Variants in USH1G observed in about 807,000 individuals in gnomAD.
USH1G encodes the protein USH1 protein network component sans.
In USH1G, 27 loss-of-function variants were observed where a neutral mutation model predicts 31.9. That is an observed-to-expected ratio of 0.85 (90% CI 0.62 to 1.17). The LOEUF (loss-of-function observed/expected upper bound fraction) is 1.17. Ranked by LOEUF, USH1G falls within the 50% of genes most tolerant of loss-of-function variation. The pLI, the probability that USH1G is intolerant of heterozygous loss-of-function variation, is 0.00. For missense variants in USH1G, 674 were observed against 638.9 expected (o/e 1.05, Z -0.59); for synonymous variants, 266 against 283.2 (o/e 0.94, Z 0.61).
In USH1G at chr17:74,917,130, A is replaced by G. The variant is rs938072206; in HGVS notation, c.*943T>C. Reference sequence around the variant, plus strand: ...GTGACCTGGGGACAATCTGCAGTTTAGAGGATCCACTTTCTCCAGTGTCCA... The same window carrying G: ...GTGACCTGGGGACAATCTGCAGTTTGGAGGATCCACTTTCTCCAGTGTCCA... On this transcript the variant is annotated 3_prime_UTR_variant, in exon 3 of 3. Coordinates refer to ENST00000614341, the MANE Select transcript of USH1G (RefSeq NM_173477.5). 1.3e-5 allele frequency: 2 copies of G among 152,438 alleles called. No homozygotes were observed. Among genetic ancestry groups the G allele is most frequent in the African/African-American group, 4.8e-5 (2 of 41,464 alleles). 9.4% of individuals were successfully genotyped at this position (152,438 alleles called of 1,614,324 possible).
rs778772947 is a variant in USH1G, at chr17:74,920,124, G to A, written c.712C>T (p.Arg238Cys). 6.2e-7 allele frequency: 1 copy of A among 1,602,812 alleles called. No individual in the cohort carries two copies. Among genetic ancestry groups the A allele is most frequent in the South Asian group, 1.1e-5 (1 of 91,058 alleles). ...CCCGAGAGCGAGCGGGCGCTCTTGC[G>A]CCCATCCTCGGAGACCTTGAAGGTG... is the stretch of plus-strand genomic sequence containing the variant. ...EGTFKVSEDGRKSARSLSGLQ... is the reference protein window; with the variant it reads ...EGTFKVSEDGCKSARSLSGLQ... Residue 238 changes from arginine (R) to cysteine (C), a missense_variant, in exon 2 of 3, where the codon CGC (arginine) becomes TGC (cysteine). Arg to Cys is a radical substitution (Grantham distance 180). Transcript: ENST00000614341. The surrounding 1 kb of genome is among the most constrained non-coding windows in gnomAD (Gnocchi z 5.2).
In USH1G at chr17:74,920,116, G is replaced by A. The variant is rs775371036; in HGVS notation, c.720C>T (p.Ser240=). ...GCTGCAGGCCCGAGAGCGAGCGGGC[G>A]CTCTTGCGCCCATCCTCGGAGACCT... ...TFKVSEDGRK[S]ARSLSGLQLG... is the part of the protein sequence containing the mutation. Residue 240 remains serine, a synonymous_variant, in exon 2 of 3, where the codon AGC becomes AGT. Transcript: ENST00000614341. The surrounding 1 kb of genome is among the most constrained non-coding windows in gnomAD (Gnocchi z 5.2). 2.2e-5 allele frequency: 35 copies of A among 1,602,838 alleles called. No homozygotes were observed. The highest frequency in any genetic ancestry group is 3.3e-5 in the South Asian group (3 of 91,040).
rs753272581 is a variant in USH1G at position 74,920,112 on chromosome 17, G to C, written c.724C>G (p.Arg242Gly). The C allele has an allele frequency of 1.2e-6, 2 of 1,602,980 alleles. No homozygotes were observed. Among genetic ancestry groups the C allele is most frequent in the Admixed American group, 3.3e-5 (2 of 59,986 alleles). The change falls in exon 2 of 3, where the codon CGC becomes GGC. Residue 242 changes from arginine (R) to glycine (G), a missense_variant. Coordinates refer to ENST00000614341, the MANE Select transcript of USH1G (RefSeq NM_173477.5). This position sits in a 1 kb window ranked among gnomAD's most constrained non-coding sequence, Gnocchi z 5.2. ...KVSEDGRKSA[R>G]SLSGLQLGSD... ...CCCAGCTGCAGGCCCGAGAGCGAGCGGGCGCTCTTGCGCCCATCCTCGGAG... is the reference window on the plus strand; with the variant it reads ...CCCAGCTGCAGGCCCGAGAGCGAGCCGGCGCTCTTGCGCCCATCCTCGGAG...
At chr17:74,922,210 CCTGGCA>C (rs1250876152) in intron 1 of USH1G, among the ~76,000 whole-genome samples, 2 of 152,096 alleles carry the variant, frequency 1.3e-5, no homozygotes, top group Non-Finnish European at 1.5e-5. Context: ...AGGCCCCTTC[CCTGGCA>C]CTGACACCTG....
chr17:74,922,903 T>G lies in USH1G; in HGVS notation c.164+7A>C. 1 of 1,543,462 alleles carries G rather than the reference T, an allele frequency of 6.5e-7. No homozygotes were observed. The highest frequency in any genetic ancestry group is 8.8e-7 in the Non-Finnish European group (1 of 1,141,098). Reference sequence around the variant, plus strand: ...GGCCTCAAGGGCACTGGGTGGGGCGTACTCACCCGCGGCTCACAATGAGAC... The same window carrying G: ...GGCCTCAAGGGCACTGGGTGGGGCGGACTCACCCGCGGCTCACAATGAGAC... On this transcript the variant is annotated splice_region_variant and intron_variant, in intron 1 of 2. Transcript: ENST00000614341.
Position 74,918,079 on chromosome 17 carries a change from G to A in USH1G, c.1383-3C>T, listed in dbSNP as rs1223026125. ...TGGGGAGAGGAGCCCCCGGTTATCTGTGGAGGAAGAGACAGAAAGAAACAG... is the reference window on the plus strand; with the variant it reads ...TGGGGAGAGGAGCCCCCGGTTATCTATGGAGGAAGAGACAGAAAGAAACAG... On this transcript the variant is annotated splice_region_variant and splice_polypyrimidine_tract_variant and intron_variant, in intron 2 of 2. Transcript: ENST00000614341. The surrounding 1 kb of genome is among the most constrained non-coding windows in gnomAD (Gnocchi z 4.1). 6.2e-7 allele frequency: 1 copy of A among 1,614,116 alleles called. No homozygotes were observed. Among genetic ancestry groups the A allele is most frequent in the Non-Finnish European group, 8.5e-7 (1 of 1,180,010 alleles).
chr17:74,920,682 A>G lies in USH1G; in HGVS notation c.165-11T>C. ...TTGTCCGGGTCACCCCTGCAGGGAA[A>G]GCATTCAGGAGGGACGAGTGACGAG... On this transcript the variant is annotated splice_polypyrimidine_tract_variant and intron_variant, in intron 1 of 2. Transcript: ENST00000614341. The surrounding 1 kb of genome is among the most constrained non-coding windows in gnomAD (Gnocchi z 5.2). 6.2e-7 allele frequency: 1 copy of G among 1,613,260 alleles called. No homozygotes were observed. Among genetic ancestry groups the G allele is most frequent in the South Asian group, 1.1e-5 (1 of 91,078 alleles).
Position 74,916,589 on chromosome 17 carries a change from G to A in USH1G, c.*1484C>T, listed in dbSNP as rs540112420. Reference sequence around the variant, plus strand: ...TGGGGGGCCATGGCTGAGAAAGGAGGAGAGCACCTCTGCATGGGGTGCAAA... The same window carrying A: ...TGGGGGGCCATGGCTGAGAAAGGAGAAGAGCACCTCTGCATGGGGTGCAAA... On this transcript the variant is annotated 3_prime_UTR_variant, in exon 3 of 3. Transcript: ENST00000614341. 1 of 152,370 alleles carries A rather than the reference G, an allele frequency of 6.6e-6. No individual in the cohort carries two copies. 9.4% of individuals were successfully genotyped at this position (152,370 alleles called of 1,614,324 possible).
chr17:74,919,768 G>A lies in USH1G; in HGVS notation c.1068C>T (p.Ser356=), dbSNP rs2038912010. ...CCTGCAGGCTGTTGGCACTGCCCAG[G>A]CTGTCATCGTCCAGGCTGGGGGAGC... The part of the protein sequence containing the change: ...LQSSPSLDDD[S]LGSANSLQDR... Residue 356 remains serine (S), a synonymous_variant, in exon 2 of 3, where the codon AGC becomes AGT. Transcript: ENST00000614341. This position sits in a 1 kb window ranked among gnomAD's most constrained non-coding sequence, Gnocchi z 4.5. 1 of 1,612,772 alleles carries A rather than the reference G, an allele frequency of 6.2e-7. No individual in the cohort carries two copies. The highest frequency in any genetic ancestry group is 1.1e-5 in the South Asian group (1 of 91,088).
At position 74,920,091 on chromosome 17, in the gene USH1G, G is replaced by T; in HGVS notation, c.745C>A (p.Leu249Met). 1 of 1,604,962 alleles carries T rather than the reference G, an allele frequency of 6.2e-7. No individual in the cohort carries two copies. ...KSARSLSGLQ[L>M]GSDVMFVRQG... ...CGCACGAACATCACGTCGCTGCCCA[G>T]CTGCAGGCCCGAGAGCGAGCGGGCG... Residue 249 changes from leucine (L) to methionine (M), a missense_variant, in exon 2 of 3, where the codon CTG (leucine) becomes ATG (methionine). Physicochemically the swap from Leu to Met is conservative, Grantham distance 15. Coordinates refer to ENST00000614341, the MANE Select transcript of USH1G (RefSeq NM_173477.5). This position sits in a 1 kb window ranked among gnomAD's most constrained non-coding sequence, Gnocchi z 5.2.
Position 74,920,442 on chromosome 17 carries a change from C to T in USH1G, c.394G>A (p.Val132Met). ...AKQSSLNPKL[V>M]GKLKDKAFRE... ...AAGGCCTTGTCCTTCAGCTTACCCACCAGCTTGGGGTTGAGGCTGCTCTGC... is the reference window on the plus strand; with the variant it reads ...AAGGCCTTGTCCTTCAGCTTACCCATCAGCTTGGGGTTGAGGCTGCTCTGC... The change falls in exon 2 of 3, where the codon GTG becomes ATG. Residue 132 changes from valine (V) to methionine (M), a missense_variant. Transcript: ENST00000614341. The surrounding 1 kb of genome is among the most constrained non-coding windows in gnomAD (Gnocchi z 5.2). 6.2e-7 allele frequency: 1 copy of T among 1,613,724 alleles called. No homozygotes were observed. The highest frequency in any genetic ancestry group is 8.5e-7 in the Non-Finnish European group (1 of 1,180,042).
chr17:74,920,566 G>A lies in USH1G; in HGVS notation c.270C>T (p.Asn90=), dbSNP rs1279140282. The A allele has an allele frequency of 1.9e-6, 3 of 1,613,812 alleles. No homozygotes were observed. The highest frequency in any genetic ancestry group is 2.5e-6 in the Non-Finnish European group (3 of 1,180,036). The part of the protein sequence containing the change: ...CLSFLVSFGA[N]IWCLDNDYHT... Reference sequence around the variant, plus strand: ...GGTAGTCGTTGTCTAGGCACCAGATGTTGGCTCCGAAGGACACCAGGAAGG... The same window carrying A: ...GGTAGTCGTTGTCTAGGCACCAGATATTGGCTCCGAAGGACACCAGGAAGG... Residue 90 remains asparagine (N), a synonymous_variant, in exon 2 of 3, where the codon AAC becomes AAT. Transcript: ENST00000614341. The surrounding 1 kb of genome is among the most constrained non-coding windows in gnomAD (Gnocchi z 5.2).
rs368110384 is a variant in USH1G, at chr17:74,919,557, G to A, written c.1279C>T (p.Arg427Cys). The change falls in exon 2 of 3, where the codon CGC (arginine) becomes TGC (cysteine). Residue 427 changes from arginine to cysteine, a missense_variant. Coordinates refer to ENST00000614341, the MANE Select transcript of USH1G (RefSeq NM_173477.5). This position sits in a 1 kb window ranked among gnomAD's most constrained non-coding sequence, Gnocchi z 4.5. Reference protein sequence around the residue: ...ALMLCSDLDLRSISVPLGPRK... With the variant: ...ALMLCSDLDLCSISVPLGPRK... ...GGCCCCAGTGGGACGCTGATGCTGC[G>A]GAGGTCGAGGTCAGAGCACAGCATC... is the stretch of plus-strand genomic sequence containing the variant. The A allele has an allele frequency of 3.7e-6, 6 of 1,612,544 alleles. No individual in the cohort carries two copies. Among genetic ancestry groups the A allele is most frequent in the Non-Finnish European group, 4.2e-6 (5 of 1,180,034 alleles).
In USH1G at chr17:74,920,150, C is replaced by A; in HGVS notation, c.686G>T (p.Gly229Val). 5 of 1,602,088 alleles carry A rather than the reference C, an allele frequency of 3.1e-6. No individual in the cohort carries two copies. Among genetic ancestry groups the A allele is most frequent in the Non-Finnish European group, 4.2e-6 (5 of 1,179,814 alleles). The part of the protein sequence containing the change: ...KLERRKQGGE[G>V]TFKVSEDGRK... Reference sequence around the variant, plus strand: ...CCCATCCTCGGAGACCTTGAAGGTGCCTTCGCCGCCCTGCTTGCGCCGCTC... The same window carrying A: ...CCCATCCTCGGAGACCTTGAAGGTGACTTCGCCGCCCTGCTTGCGCCGCTC... The change falls in exon 2 of 3, where the codon GGC becomes GTC. Residue 229 changes from glycine to valine, a missense_variant. Transcript: ENST00000614341. The surrounding 1 kb of genome is among the most constrained non-coding windows in gnomAD (Gnocchi z 5.2).
rs1246019468 is a variant in USH1G at position 74,923,221 on chromosome 17, T to G, written c.-148A>C. Reference sequence around the variant, plus strand: ...AGCCCCCGCTGCCGCAGACGGAGGGTGCGGAGCGCCAGAGCCGCGACTACC... The same window carrying G: ...AGCCCCCGCTGCCGCAGACGGAGGGGGCGGAGCGCCAGAGCCGCGACTACC... On this transcript the variant is annotated 5_prime_UTR_variant, in exon 1 of 3. Coordinates refer to ENST00000614341, the MANE Select transcript of USH1G (RefSeq NM_173477.5). This position sits in a 1 kb window ranked among gnomAD's most constrained non-coding sequence, Gnocchi z 5.3. The G allele has an allele frequency of 5.3e-6, 2 of 380,348 alleles. No homozygotes were observed. Among genetic ancestry groups the G allele is most frequent in the Non-Finnish European group, 3.6e-6 (1 of 278,856 alleles). 23.6% of individuals were successfully genotyped at this position (380,348 alleles called of 1,614,324 possible).
chr17:74,922,874 C>CA, intron 1 of USH1G, 36 bp downstream of exon 1: 1 of 1,533,406 alleles, frequency 6.5e-7, no homozygotes, highest in Non-Finnish European at 8.8e-7. Context: ...GGGGTGGTCT[C>CA]AGGGGCCTCA....
rs1053388986 is a variant in USH1G, at chr17:74,920,689, A to G, written c.165-18T>C. The stretch of plus-strand genomic sequence containing the variant: ...GGTCACCCCTGCAGGGAAAGCATTC[A>G]GGAGGGACGAGTGACGAGTCCTGGC... On this transcript the variant is annotated intron_variant, in intron 1 of 2. Coordinates refer to ENST00000614341, the MANE Select transcript of USH1G (RefSeq NM_173477.5). This position sits in a 1 kb window ranked among gnomAD's most constrained non-coding sequence, Gnocchi z 5.2. 1.4e-5 allele frequency: 22 copies of G among 1,587,216 alleles called. No individual in the cohort carries two copies. Among genetic ancestry groups the G allele is most frequent in the Non-Finnish European group, 1.9e-5 (22 of 1,163,166 alleles).
At position 74,922,929 on chromosome 17, in the gene USH1G, G is replaced by T. The variant is rs769657993; in HGVS notation, c.145C>A (p.Arg49Ser). ...ACTCACCCGCGGCTCACAATGAGAC[G>T]CAGCGACTCGAGGTTGCCATGGTAG... ...AAYHGNLESL[R>S]LIVSRGGDPD... Residue 49 changes from arginine (R) to serine (S), a missense_variant, in exon 1 of 3, where the codon CGT becomes AGT. Transcript: ENST00000614341. 4.5e-6 allele frequency: 7 copies of T among 1,547,276 alleles called. No individual in the cohort carries two copies. The African/African-American group carries it at 5.5e-5, about 12-fold the overall frequency.
In USH1G at chr17:74,919,812, G is replaced by A. The variant is rs773103971; in HGVS notation, c.1024C>T (p.Pro342Ser). The change falls in exon 2 of 3, where the codon CCG (proline) becomes TCG (serine). Residue 342 changes from proline to serine, a missense_variant. Pro to Ser is a moderately conservative substitution (Grantham distance 74). Transcript: ENST00000614341. The surrounding 1 kb of genome is among the most constrained non-coding windows in gnomAD (Gnocchi z 4.5). ...EDGGLDGVGA[P>S]RGRLQSSPSL... ...GGGGAGCTCTGCAGCCGACCCCGCG[G>A]CGCTCCCACCCCATCCAGACCCCCA... is the stretch of plus-strand genomic sequence containing the variant. 22 of 1,612,898 alleles carry A rather than the reference G, an allele frequency of 1.4e-5. No homozygotes were observed. Among genetic ancestry groups the A allele is most frequent in the Admixed American group, 1.7e-5 (1 of 60,020 alleles).
Sources: gnomAD v4.1 joint callset for allele counts (sites outside exome capture counted in the v4.1 genomes callset) on GRCh38, gnomAD v4.1.1 for gene constraint, Gnocchi (gnomAD v3.1) non-coding constraint, MANE v1.5 for transcripts, NCBI Gene and HGNC (gene_info 2026-07-23, HGNC 2026-07-21) for gene names.